CRTAP: variants seen among roughly 807,000 people sequenced by gnomAD.
CRTAP encodes cartilage-associated protein.
CRTAP carries 33 observed loss-of-function variants against 42.7 expected under a neutral mutation model. That is an observed-to-expected ratio of 0.77 (90% CI 0.59 to 1.03). The LOEUF (loss-of-function observed/expected upper bound fraction) is 1.03, where lower values mean the gene tolerates loss of function less well. Among genes scored for constraint, CRTAP ranks in the 50% least tolerant of loss-of-function variants. The pLI is 0.00. For synonymous variants in CRTAP, 243 were observed against 217.7 expected (o/e 1.12, Z -1.02); for missense variants, 613 against 533.9 (o/e 1.15, Z -1.46).
chr3:33,134,111 G>C (rs1164687034), intron 5 of CRTAP, 71 bp from the exon 6 acceptor site: 1 of 1,041,182 alleles, frequency 9.6e-7, no homozygotes, highest in Non-Finnish European at 1.5e-6. Context: ...CCCATATCCT[G>C]TTCCTCCCTC....
At chr3:33,134,318 C>T in intron 6 of CRTAP, 53 bp downstream of exon 6, 2 of 1,170,768 alleles carry the variant, frequency 1.7e-6, no homozygotes. Context: ...ATATTACTCA[C>T]ATCTTTGCTA....
In CRTAP at chr3:33,132,592, C is replaced by G; in HGVS notation, c.960C>G (p.Ser320Arg). ...DLKNAAPCAV[S>R]YLLFDQNDKV... ...AGAATGCAGCCCCCTGTGCAGTCAG[C>G]TATCTGCTCTTTGATCAGAATGACA... Residue 320 changes from serine to arginine, a missense_variant, in exon 5 of 7, where the codon AGC becomes AGG. Coordinates refer to ENST00000320954, the MANE Select transcript of CRTAP (RefSeq NM_006371.5). The G allele has an allele frequency of 6.2e-7, 1 of 1,614,196 alleles. No homozygotes were observed. The highest frequency in any genetic ancestry group is 8.5e-7 in the Non-Finnish European group (1 of 1,180,018).
intron 4 of CRTAP, 117 bp downstream of exon 4, chr3:33,130,184 C>A: frequency 9.8e-7 from 1 of 1,022,602 alleles, no homozygotes. Flanking sequence ...ACTGACAACC[C>A]TGGTGCTATG....
chr3:33,126,811 T>C (rs2030086070), intron 3 of CRTAP, among the ~76,000 whole-genome samples: 1 of 152,196 alleles, frequency 6.6e-6, no homozygotes, highest in South Asian at 2.1e-4. Context: ...AAGATGTACA[T>C]TGCTTCAGTC....
chr3:33,130,262 G>A lies in CRTAP; in HGVS notation c.922+195G>A, dbSNP rs377340110. Among the ~76,000 whole-genome samples the A allele has an allele frequency of 3.3e-5, 5 of 152,272 alleles. No homozygotes were observed. The East Asian group carries it at 5.8e-4, about 18-fold the overall frequency. ...GCCTGTAACCACAGTGCCTGGGTTC[G>A]ATTTCAGCCTTATCACTTACTAGCT... On this transcript the variant is annotated intron_variant, in intron 4 of 6. Coordinates refer to ENST00000320954, the MANE Select transcript of CRTAP (RefSeq NM_006371.5).
At position 33,146,945 on chromosome 3, in the gene CRTAP, G is replaced by A. The variant is rs2030738210; in HGVS notation, c.*4497G>A. 3 of 152,616 alleles carry A rather than the reference G, an allele frequency of 2.0e-5. No homozygotes were observed. The highest frequency in any genetic ancestry group is 3.4e-3 in the Middle Eastern group (1 of 292). 9.5% of individuals were successfully genotyped at this position (152,616 alleles called of 1,614,324 possible). Reference sequence around the variant, plus strand: ...GTAGGGAAAAGGTGGATTGGTGCCAGAGAAAACATTATTTAATAGTGTCAG... The same window carrying A: ...GTAGGGAAAAGGTGGATTGGTGCCAAAGAAAACATTATTTAATAGTGTCAG... On this transcript the variant is annotated 3_prime_UTR_variant, in exon 7 of 7. Transcript: ENST00000320954.
chr3:33,141,547 C>T (rs991812095), intron 6 of CRTAP, among the ~76,000 whole-genome samples: 1 of 152,224 alleles, frequency 6.6e-6, no homozygotes, highest in Non-Finnish European at 1.5e-5. Context: ...AAGGAGCCAA[C>T]AGGCTCTTGG....
In CRTAP at chr3:33,144,157, T is replaced by C. The variant is rs1180857278; in HGVS notation, c.*1709T>C. On this transcript the variant is annotated 3_prime_UTR_variant, in exon 7 of 7. Coordinates refer to ENST00000320954, the MANE Select transcript of CRTAP (RefSeq NM_006371.5). The stretch of plus-strand genomic sequence containing the variant: ...CAGTGGTCAAATATCTAGATTTATT[T>C]TGAAAAGAGCCAATAGGATTTGCTG... The C allele has an allele frequency of 1.3e-5, 2 of 152,204 alleles. No homozygotes were observed. The highest frequency in any genetic ancestry group is 2.9e-5 in the Non-Finnish European group (2 of 68,048). 9.4% of individuals were successfully genotyped at this position (152,204 alleles called of 1,614,324 possible).
At chr3:33,139,715 T>C (rs1460818850) in intron 6 of CRTAP, among the ~76,000 whole-genome samples, 1 of 152,158 alleles carries the variant, frequency 6.6e-6, no homozygotes, top group Non-Finnish European at 1.5e-5. Context: ...TGACCTCAGG[T>C]GATCAACTTG....
At chr3:33,140,378 A>G (rs936997936) in intron 6 of CRTAP, among the ~76,000 whole-genome samples, 1 of 152,256 alleles carries the variant, frequency 6.6e-6, no homozygotes, top group Non-Finnish European at 1.5e-5. Flanking sequence ...AGGCTTTAGA[A>G]TTGTGGAAGA....
intron 6 of CRTAP, among the ~76,000 whole-genome samples, chr3:33,134,507 C>T (rs971897671): frequency 2.0e-5 from 3 of 152,152 alleles, no homozygotes; most frequent in African/African-American, 7.2e-5. Context: ...GGGCCACACT[C>T]CAGGAATTCA....
chr3:33,131,832 C>T (rs914235160), intron 4 of CRTAP, among the ~76,000 whole-genome samples: 5 of 152,074 alleles, frequency 3.3e-5, no homozygotes, highest in East Asian at 1.9e-4. Flanking sequence ...TTGGCTTCTC[C>T]GGCCAACCAC....
In CRTAP at chr3:33,134,204, T is replaced by C; in HGVS notation, c.1091T>C (p.Val364Ala). The change falls in exon 6 of 7, where the codon GTG becomes GCG. Residue 364 changes from valine (V) to alanine (A), a missense_variant. Transcript: ENST00000320954. The stretch of plus-strand genomic sequence containing the variant: ...CAGGAAGCAGTTCAGTTCTTTAATG[T>C]GACCACACTCCAGAAGGAGCTGTAT... ...PRPEAVQFFN[V>A]TTLQKELYDF... 1 of 1,613,472 alleles carries C rather than the reference T, an allele frequency of 6.2e-7. No homozygotes were observed.
At chr3:33,117,127 G>A (rs61235654) in intron 1 of CRTAP, among the ~76,000 whole-genome samples, 8,165 of 152,196 alleles carry the variant, frequency 0.054, 605 homozygotes, top group African/African-American at 0.17. Context: ...TGATGTTTAC[G>A]TGTTTAAACT....
rs368565848 is a variant in CRTAP, at chr3:33,117,187, C to T, written c.471+2639C>T. On this transcript the variant is annotated intron_variant, in intron 1 of 6. Transcript: ENST00000320954. ...ATGGGTGGCAGGCACATACATTCTA[C>T]CTGGCACCTGAAGGCTGGAGGTCGA... Among the ~76,000 whole-genome samples, 15 of 152,276 alleles carry T rather than the reference C, an allele frequency of 9.9e-5. No homozygotes were observed. The South Asian group carries it at 2.5e-3, about 25-fold the overall frequency.
At position 33,132,622 on chromosome 3, in the gene CRTAP, C is replaced by G; in HGVS notation, c.990C>G (p.Val330=). ...TGCTCTTTGATCAGAATGACAAGGT[C>G]ATGCAGCAGAACCTGGTGTATTACC... The part of the protein sequence containing the change: ...SYLLFDQNDK[V]MQQNLVYYQY... Residue 330 remains valine, a synonymous_variant, in exon 5 of 7, where the codon GTC becomes GTG. Transcript: ENST00000320954. The G allele has an allele frequency of 6.2e-7, 1 of 1,614,152 alleles. No individual in the cohort carries two copies.
intron 3 of CRTAP, among the ~76,000 whole-genome samples, 194 bp from the exon 4 acceptor site, chr3:33,129,745 C>A (rs1161587670): frequency 1.3e-5 from 2 of 151,952 alleles, no homozygotes; most frequent in Non-Finnish European, 2.9e-5. Context: ...ACTGTGTTAA[C>A]CAGGATGGTC....
chr3:33,145,734 C>T lies in CRTAP; in HGVS notation c.*3286C>T, dbSNP rs1313127255. 6.6e-6 allele frequency: 1 copy of T among 152,294 alleles called. No homozygotes were observed. The highest frequency in any genetic ancestry group is 1.5e-5 in the Non-Finnish European group (1 of 68,146). The allele number at this position is 152,294 out of a possible 1,614,324, so 9.4% of individuals were successfully genotyped here. The stretch of plus-strand genomic sequence containing the variant: ...GCAGGGTTGGGTGTTGTGACTCACT[C>T]CACCTCTGTGCCCTGCAGAGGTACT... On this transcript the variant is annotated 3_prime_UTR_variant, in exon 7 of 7. Coordinates refer to ENST00000320954, the MANE Select transcript of CRTAP (RefSeq NM_006371.5). This position sits in a 1 kb window ranked among gnomAD's most constrained non-coding sequence, Gnocchi z 4.3.
intron 4 of CRTAP, among the ~76,000 whole-genome samples, chr3:33,130,347 G>C (rs989864575): frequency 2.0e-5 from 3 of 152,146 alleles, no homozygotes; most frequent in Non-Finnish European, 4.4e-5. Flanking sequence ...TCATAGGATT[G>C]TCCTGAGGAG....
Sources: allele counts gnomAD v4.1 joint callset (sites outside exome capture counted in the v4.1 genomes callset), GRCh38; gene constraint gnomAD v4.1.1; non-coding constraint Gnocchi (gnomAD v3.1); transcripts MANE v1.5; gene names NCBI Gene and HGNC (gene_info 2026-07-23, HGNC 2026-07-21).